Variants in STAC observed in about 807,000 individuals in gnomAD.
STAC encodes the protein SH3 and cysteine rich domain.
Under a neutral mutation model 48.8 loss-of-function variants are expected in STAC, and 43 were observed. That is an observed-to-expected ratio of 0.88 (90% confidence interval 0.69 to 1.14). STAC has a LOEUF of 1.14. Ranked by LOEUF, STAC falls within the 50% of genes most tolerant of loss-of-function variation. STAC has a pLI of 0.00. For synonymous variants in STAC, 193 were observed against 179.5 expected (o/e 1.07, Z -0.60); for missense variants, 497 against 504.0 (o/e 0.99, Z 0.13).
chr3:36,387,881 T>G (rs1029330316), intron 1 of STAC, among the ~76,000 whole-genome samples: 5 of 152,120 alleles, frequency 3.3e-5, no homozygotes, highest in Non-Finnish European at 1.5e-5. Context: ...ATCTGGTGAT[T>G]CTATGTTTAA....
At chr3:36,465,971 C>A (rs1207349695) in intron 2 of STAC, among the ~76,000 whole-genome samples, 4 of 152,124 alleles carry the variant, frequency 2.6e-5, no homozygotes, top group African/African-American at 9.7e-5. Context: ...TTGTATCCCT[C>A]AATCCAATCA....
intron 2 of STAC, among the ~76,000 whole-genome samples, chr3:36,445,251 A>G (rs984242985): frequency 2.0e-5 from 3 of 152,210 alleles, no homozygotes; most frequent in African/African-American, 7.2e-5. Context: ...TTTGAATATC[A>G]CTAAAAAAAA....
rs369600055 is a variant in STAC, at chr3:36,524,444, C to G, written c.921-4252C>G. 2.6e-5 allele frequency among the ~76,000 whole-genome samples: 4 copies of G among 151,922 alleles called. No homozygotes were observed. In the East Asian group the frequency reaches 7.8e-4, roughly 29 times the overall value. ...CTGTCTCTACTAAAAATACAAAAATCAGCCAGGCATGGTAGCGGGCGCCTT... is the reference window on the plus strand; with the variant it reads ...CTGTCTCTACTAAAAATACAAAAATGAGCCAGGCATGGTAGCGGGCGCCTT... On this transcript the variant is annotated intron_variant, in intron 8 of 10. Transcript: ENST00000273183.
chr3:36,497,680 G>A (rs538069135), intron 6 of STAC, among the ~76,000 whole-genome samples: 10 of 151,860 alleles, frequency 6.6e-5, no homozygotes, highest in African/African-American at 2.2e-4. Context: ...CTTAACTCAG[G>A]TGGAAAAGAA....
At chr3:36,513,925 T>C (rs1698603586) in intron 8 of STAC, among the ~76,000 whole-genome samples, 1 of 152,080 alleles carries the variant, frequency 6.6e-6, no homozygotes, top group Non-Finnish European at 1.5e-5. Context: ...AGTGTGGGCA[T>C]CAGTTGACCT....
chr3:36,460,662 C>T (rs56114999), intron 2 of STAC, among the ~76,000 whole-genome samples: 20,655 of 151,948 alleles, frequency 0.14, 1,597 homozygotes, highest in African/African-American at 0.21. Context: ...CAAAGAATTA[C>T]CAGGCCTCAG....
At chr3:36,436,563 T>C (rs1257678789) in intron 1 of STAC, among the ~76,000 whole-genome samples, 6 of 152,218 alleles carry the variant, frequency 3.9e-5, no homozygotes. Context: ...CCCACAATGC[T>C]CTTCTCCAGC....
intron 1 of STAC, among the ~76,000 whole-genome samples, chr3:36,399,290 C>T (rs1699952660): frequency 6.6e-6 from 1 of 152,226 alleles, no homozygotes; most frequent in South Asian, 2.1e-4. Context: ...ACAGTGGGTT[C>T]CTGTCTGTGC....
chr3:36,531,531 G>A (rs926016928), intron 10 of STAC, among the ~76,000 whole-genome samples: 6 of 152,166 alleles, frequency 3.9e-5, no homozygotes, highest in African/African-American at 1.4e-4. Flanking sequence ...TTTCATTCAT[G>A]GAACCATAGT....
intron 8 of STAC, among the ~76,000 whole-genome samples, chr3:36,509,994 A>C (rs1698496381): frequency 6.6e-6 from 1 of 152,186 alleles, no homozygotes; most frequent in Non-Finnish European, 1.5e-5. Flanking sequence ...TGTGCACAGC[A>C]AAAGAAACTA....
chr3:36,474,987 G>A (rs1697451526), intron 2 of STAC, among the ~76,000 whole-genome samples: 1 of 152,080 alleles, frequency 6.6e-6, no homozygotes, highest in South Asian at 2.1e-4. Flanking sequence ...CTCATACAAT[G>A]GCTTTTCTCG....
intron 1 of STAC, among the ~76,000 whole-genome samples, chr3:36,428,621 C>T (rs955080302): frequency 2.6e-5 from 4 of 151,880 alleles, no homozygotes; most frequent in Non-Finnish European, 4.4e-5. Context: ...TGAGTAGAGA[C>T]CTGAAGGAAG....
intron 2 of STAC, among the ~76,000 whole-genome samples, chr3:36,462,760 C>A (rs953435324): frequency 3.9e-5 from 6 of 152,114 alleles, no homozygotes; most frequent in African/African-American, 1.4e-4. Context: ...TGTCTAGTAA[C>A]CTTGATGAGA....
At chr3:36,532,275 C>G (rs1474410336) in intron 10 of STAC, among the ~76,000 whole-genome samples, 1 of 152,130 alleles carries the variant, frequency 6.6e-6, no homozygotes, top group East Asian at 1.9e-4. Flanking sequence ...TATGGTTTCA[C>G]CCTGGTTTTA....
At position 36,530,932 on chromosome 3, in the gene STAC, C is replaced by A. The variant is rs550112681; in HGVS notation, c.1110+1947C>A. ...TTTCTTTATGGCTATTCAAAAGAATCTTTAAAAGGAAAAATCTAAAGAAAA... is the reference window on the plus strand; with the variant it reads ...TTTCTTTATGGCTATTCAAAAGAATATTTAAAAGGAAAAATCTAAAGAAAA... On this transcript the variant is annotated intron_variant, in intron 10 of 10. Coordinates refer to ENST00000273183, the MANE Select transcript of STAC (RefSeq NM_003149.3). Among the ~76,000 whole-genome samples the A allele has an allele frequency of 8.5e-5, 13 of 152,174 alleles. No homozygotes were observed. In the East Asian group the frequency reaches 1.9e-3, roughly 23 times the overall value.
intron 5 of STAC, among the ~76,000 whole-genome samples, chr3:36,492,034 ATATATATATATATATAT>A (rs1559512165): frequency 1.8e-3 from 63 of 34,422 alleles, no homozygotes; most frequent in African/African-American, 5.5e-3. Context: ...AAAAAAAAAT[ATATATATATATATATAT>A]ATATATATAT....
chr3:36,487,993 G>C (rs1010201425), intron 5 of STAC, among the ~76,000 whole-genome samples: 1 of 152,178 alleles, frequency 6.6e-6, no homozygotes, highest in Non-Finnish European at 1.5e-5. Flanking sequence ...GTAAATAAAG[G>C]CTGCTTAGGT....
chr3:36,473,443 C>T (rs894167482), intron 2 of STAC, among the ~76,000 whole-genome samples: 3 of 152,084 alleles, frequency 2.0e-5, no homozygotes, highest in African/African-American at 4.8e-5. Context: ...GATGATACAC[C>T]CTCTAGCCAT....
chr3:36,496,370 C>A (rs1356010372), intron 6 of STAC, among the ~76,000 whole-genome samples: 10 of 152,338 alleles, frequency 6.6e-5, no homozygotes, highest in Middle Eastern at 3.4e-3. Flanking sequence ...TCCCACAGAT[C>A]TTCTCACTCA....
Sources: gnomAD v4.1 joint callset for allele counts (sites outside exome capture counted in the v4.1 genomes callset) on GRCh38, gnomAD v4.1.1 for gene constraint, MANE v1.5 for transcripts, NCBI Gene and HGNC (gene_info 2026-07-23, HGNC 2026-07-21) for gene names.